DCC: variants seen among roughly 807,000 people sequenced by gnomAD.
DCC encodes the protein DCC netrin 1 receptor.
A neutral mutation model predicts 172.5 loss-of-function variants in DCC; 58 were observed. That is an observed-to-expected ratio of 0.34 (90% confidence interval 0.27 to 0.42). The LOEUF (loss-of-function observed/expected upper bound fraction) is 0.42. Among genes scored for constraint, DCC ranks in the 10% least tolerant of loss-of-function variants. The probability of loss-of-function intolerance (pLI) is 1.00; values close to 1 mark genes in which losing one functional copy is unlikely to be tolerated. For synonymous variants in DCC, 709 were observed against 644.5 expected (o/e 1.10, Z -1.52); for missense variants, 1,740 against 1,791.0 (o/e 0.97, Z 0.51).
intron 2 of DCC, among the ~76,000 whole-genome samples, chr18:52,862,594 AG>A (rs1488608287): frequency 6.6e-6 from 1 of 152,078 alleles, no homozygotes; most frequent in Non-Finnish European, 1.5e-5. Context: ...GCTACTTGGG[AG>A]GTTGAGGCAG....
intron 7 of DCC, among the ~76,000 whole-genome samples, chr18:53,087,475 T>G (rs959725564): frequency 6.6e-6 from 1 of 151,620 alleles, no homozygotes; most frequent in Non-Finnish European, 1.5e-5. Flanking sequence ...TAAATTTGTT[T>G]GAGTTCATTG....
chr18:53,102,673 A>G (rs772661945), intron 7 of DCC, among the ~76,000 whole-genome samples: 10 of 152,160 alleles, frequency 6.6e-5, no homozygotes, highest in Non-Finnish European at 8.8e-5. Flanking sequence ...TGCTATGGGC[A>G]TACGGGCACC....
At chr18:53,346,188 T>A (rs2057722594) in intron 15 of DCC, among the ~76,000 whole-genome samples, 1 of 152,222 alleles carries the variant, frequency 6.6e-6, no homozygotes, top group South Asian at 2.1e-4. Context: ...TAATATATAC[T>A]TTTTTATTTT....
rs780644260 is a variant in DCC, at chr18:52,906,240, A to T, written c.609A>T (p.Gln203His). ...GAGCATTGCAGATCAGCCGACTCCA[A>T]CCGGGGGACATTGGAATTTACCGAT... is the stretch of plus-strand genomic sequence containing the variant. ...PSGALQISRL[Q>H]PGDIGIYRCS... Residue 203 changes from glutamine to histidine, a missense_variant, in exon 3 of 29, where the codon CAA (glutamine) becomes CAT (histidine). Gln to His is a conservative substitution (Grantham distance 24). Coordinates refer to ENST00000442544, the MANE Select transcript of DCC (RefSeq NM_005215.4). 25 of 1,613,978 alleles carry T rather than the reference A, an allele frequency of 1.5e-5. No homozygotes were observed. Among genetic ancestry groups the T allele is most frequent in the Non-Finnish European group, 1.8e-5 (21 of 1,180,046 alleles).
rs1555651814 is a variant in DCC, at chr18:53,318,752, G to GGT, written c.2054-3295_2054-3294insGT. On this transcript the variant is annotated intron_variant, in intron 13 of 28. Coordinates refer to ENST00000442544, the MANE Select transcript of DCC (RefSeq NM_005215.4). ...ATTATATAATGCCCTTCTTCGTTGG[G>GGT]TTTTTTTTTTTTTTTTTTTGTGATC... Among the ~76,000 whole-genome samples, 1,178 of 132,112 alleles carry GGT rather than the reference G, an allele frequency of 8.9e-3. 21 individuals are homozygous for GGT. The highest frequency in any genetic ancestry group is 0.021 in the East Asian group (92 of 4,300). 86.7% of individuals were successfully genotyped at this position (132,112 alleles called of 152,430 possible). A position where few individuals can be genotyped will look rare whatever the true frequency, so the allele number is the denominator to read the frequency against.
chr18:52,785,762 T>C (rs9945422), intron 2 of DCC, among the ~76,000 whole-genome samples: 65 of 152,222 alleles, frequency 4.3e-4, no homozygotes, highest in African/African-American at 1.4e-3. Context: ...AGAGTAACTT[T>C]AGTATTGACC....
chr18:52,779,427 A>T (rs993063340), intron 2 of DCC, among the ~76,000 whole-genome samples: 2 of 151,582 alleles, frequency 1.3e-5, no homozygotes, highest in Admixed American at 6.6e-5. Context: ...TTCCTGTGTT[A>T]GTTTGCTGAG....
intron 5 of DCC, among the ~76,000 whole-genome samples, chr18:52,967,139 G>A (rs971051062): frequency 4.6e-5 from 7 of 152,100 alleles, no homozygotes; most frequent in Admixed American, 3.3e-4. Flanking sequence ...CTTAAGCCCT[G>A]GTAAGTAGAA....
intron 13 of DCC, among the ~76,000 whole-genome samples, chr18:53,307,965 G>A (rs111356858): frequency 9.0e-5 from 11 of 122,426 alleles, no homozygotes; most frequent in African/African-American, 2.7e-4. Flanking sequence ...TTTATACGAG[G>A]TATATACATG....
chr18:52,930,688 T>C (rs920773872), intron 5 of DCC, among the ~76,000 whole-genome samples: 2 of 152,186 alleles, frequency 1.3e-5, no homozygotes, highest in Non-Finnish European at 2.9e-5. Flanking sequence ...CATTTTACAT[T>C]TTGTGAATTT....
intron 19 of DCC, among the ~76,000 whole-genome samples, chr18:53,404,326 A>C (rs142489824): frequency 7.6e-4 from 116 of 152,292 alleles, no homozygotes; most frequent in African/African-American, 2.6e-3. Context: ...CTCTTATTTA[A>C]GTAAATCTTA....
Position 52,738,091 on chromosome 18 carries a change from C to T in DCC, c.92-13963C>T, listed in dbSNP as rs148404037. On this transcript the variant is annotated intron_variant, in intron 1 of 28. Coordinates refer to ENST00000442544, the MANE Select transcript of DCC (RefSeq NM_005215.4). ...CCATCCTCGGTTTTGCCTCTTGGTC[C>T]ACAGAGCGCAAAAAAATTTATTATC... is the stretch of plus-strand genomic sequence containing the variant. 4.3e-3 allele frequency among the ~76,000 whole-genome samples: 656 copies of T among 152,184 alleles called. 5 individuals carry two copies. Among genetic ancestry groups the T allele is most frequent in the African/African-American group, 0.015 (633 of 41,522 alleles).
At chr18:52,984,651 C>G (rs1394613284) in intron 5 of DCC, among the ~76,000 whole-genome samples, 1 of 152,006 alleles carries the variant, frequency 6.6e-6, no homozygotes, top group Non-Finnish European at 1.5e-5. Flanking sequence ...TTCATACATG[C>G]TCTTTGCCAA....
At chr18:53,017,292 T>C (rs2041822212) in intron 5 of DCC, among the ~76,000 whole-genome samples, 1 of 152,158 alleles carries the variant, frequency 6.6e-6, no homozygotes, top group South Asian at 2.1e-4. Flanking sequence ...AATATAATTT[T>C]ACTTATATGT....
chr18:53,497,757 T>G (rs1489925914), intron 26 of DCC, among the ~76,000 whole-genome samples: 1 of 152,158 alleles, frequency 6.6e-6, no homozygotes, highest in Non-Finnish European at 1.5e-5. Context: ...CACCAAGGAT[T>G]TGCCTTAATG....
At chr18:52,635,182 C>CCAG (rs2034750465) in intron 1 of DCC, among the ~76,000 whole-genome samples, 1 of 152,060 alleles carries the variant, frequency 6.6e-6, no homozygotes, top group Admixed American at 6.6e-5. Context: ...AATGTTATAG[C>CCAG]TATTCTTCTT....
intron 1 of DCC, among the ~76,000 whole-genome samples, chr18:52,642,955 A>G (rs543562462): frequency 5.3e-5 from 8 of 152,320 alleles, no homozygotes; most frequent in African/African-American, 1.9e-4. Context: ...ACCTAGCCCT[A>G]ATAAGATTTT....
In DCC at chr18:53,297,992, T is replaced by C. The variant is rs74662231; in HGVS notation, c.1912-7586T>C. ...TTCAGGGGGTTTCACTCCTGGTGTG[T>C]TGAGTGTATAACTGATTATATTAAT... On this transcript the variant is annotated intron_variant, in intron 12 of 28. Transcript: ENST00000442544. Among the ~76,000 whole-genome samples the C allele has an allele frequency of 4.1e-3, 627 of 152,292 alleles. 30 individuals carry two copies. In the East Asian group the frequency reaches 0.11, roughly 27 times the overall value.
chr18:53,283,057 T>C (rs1462898710), intron 12 of DCC, among the ~76,000 whole-genome samples: 3 of 152,198 alleles, frequency 2.0e-5, no homozygotes, highest in African/African-American at 7.2e-5. Context: ...AAGTCAGCAC[T>C]GACCTAATTA....
Sources: allele counts gnomAD v4.1 joint callset (sites outside exome capture counted in the v4.1 genomes callset), GRCh38; gene constraint gnomAD v4.1.1; transcripts MANE v1.5; gene names NCBI Gene and HGNC (gene_info 2026-07-23, HGNC 2026-07-21).